WDR70: variants seen among roughly 807,000 people sequenced by gnomAD.
WDR70 encodes the protein WD repeat domain 70.
A neutral mutation model predicts 88.6 loss-of-function variants in WDR70; 53 were observed. The ratio of observed to expected loss-of-function variants is 0.60; its 90% CI spans 0.48 to 0.75. WDR70 has a LOEUF of 0.75. Among genes scored for constraint, WDR70 ranks in the 30% least tolerant of loss-of-function variants. The pLI is 0.00. For synonymous variants in WDR70, 280 were observed against 270.0 expected (o/e 1.04, Z -0.36); for missense variants, 610 against 823.2 (o/e 0.74, Z 3.17).
At chr5:37,448,819 A>G (rs1387559869) in intron 7 of WDR70, among the ~76,000 whole-genome samples, 1 of 151,930 alleles carries the variant, frequency 6.6e-6, no homozygotes, top group Non-Finnish European at 1.5e-5. Flanking sequence ...ACTGTTTCTC[A>G]GTCTTTCATT....
At chr5:37,597,825 A>G (rs1163876566) in intron 9 of WDR70, among the ~76,000 whole-genome samples, 1 of 152,246 alleles carries the variant, frequency 6.6e-6, no homozygotes, top group Non-Finnish European at 1.5e-5. Flanking sequence ...ACCCAGCCAC[A>G]GATATTTGTT....
intron 10 of WDR70, among the ~76,000 whole-genome samples, chr5:37,685,511 G>C (rs1244715686): frequency 6.6e-6 from 1 of 152,130 alleles, no homozygotes. Context: ...CCCTGGAAGA[G>C]GCCAGCTGAC....
chr5:37,642,901 A>T (rs916901180), intron 10 of WDR70, among the ~76,000 whole-genome samples: 3 of 152,118 alleles, frequency 2.0e-5, no homozygotes, highest in African/African-American at 7.2e-5. Context: ...CCCTTGTCAG[A>T]TGGGTAGTTT....
intron 9 of WDR70, among the ~76,000 whole-genome samples, chr5:37,553,850 T>G (rs1742217163): frequency 6.6e-6 from 1 of 152,184 alleles, no homozygotes; most frequent in South Asian, 2.1e-4. Flanking sequence ...ATGCCTCTAT[T>G]TTGTCTTCTG....
intron 9 of WDR70, among the ~76,000 whole-genome samples, chr5:37,557,957 A>ACTCTTTTTAATACTC: frequency 7.2e-6 from 1 of 139,252 alleles, no homozygotes; most frequent in African/African-American, 2.6e-5. Flanking sequence ...TCAAAAGAGT[A>ACTCTTTTTAATACTC]TTATGTATAT....
chr5:37,528,847 G>A (rs758295787), intron 9 of WDR70, among the ~76,000 whole-genome samples: 4 of 147,790 alleles, frequency 2.7e-5, no homozygotes, highest in African/African-American at 7.4e-5. Context: ...CTTTGTGTTC[G>A]TTGCATTTCC....
intron 5 of WDR70, among the ~76,000 whole-genome samples, chr5:37,423,342 A>C (rs2111998896): frequency 6.6e-6 from 1 of 150,706 alleles, no homozygotes; most frequent in South Asian, 2.1e-4. Context: ...GTTCATGGCC[A>C]GTATAATAAA....
intron 5 of WDR70, among the ~76,000 whole-genome samples, chr5:37,409,984 A>G (rs954007490): frequency 6.6e-6 from 1 of 152,124 alleles, no homozygotes; most frequent in African/African-American, 2.4e-5. Context: ...CCTGATGCAT[A>G]AATCTTTCAG....
intron 7 of WDR70, among the ~76,000 whole-genome samples, chr5:37,443,832 C>T (rs1298958767): frequency 6.6e-6 from 1 of 150,948 alleles, no homozygotes; most frequent in East Asian, 2.0e-4. Flanking sequence ...AGCCCAGCAA[C>T]AGAGAGAGAC....
intron 10 of WDR70, among the ~76,000 whole-genome samples, chr5:37,647,372 C>G (rs1172481023): frequency 1.3e-5 from 2 of 152,138 alleles, no homozygotes; most frequent in African/African-American, 4.8e-5. Context: ...TTCCCTGGTG[C>G]CTTACTTAGT....
chr5:37,696,577 C>T (rs532290558), intron 10 of WDR70, among the ~76,000 whole-genome samples: 10 of 152,298 alleles, frequency 6.6e-5, no homozygotes, highest in South Asian at 6.2e-4. Flanking sequence ...CCCTGTCTTT[C>T]GCTATGGAAT....
chr5:37,638,113 G>A (rs181162859), intron 10 of WDR70, among the ~76,000 whole-genome samples: 29 of 152,106 alleles, frequency 1.9e-4, no homozygotes, highest in East Asian at 1.2e-3. Context: ...CAGCAATTTC[G>A]GGATCTACTT....
At chr5:37,731,280 G>C (rs1163107376) in intron 17 of WDR70, among the ~76,000 whole-genome samples, 1 of 152,156 alleles carries the variant, frequency 6.6e-6, no homozygotes, top group East Asian at 1.9e-4. Context: ...GGCAATCGAG[G>C]GGAAGCACTG....
intron 3 of WDR70, among the ~76,000 whole-genome samples, chr5:37,389,292 C>CATCT (rs538858219): frequency 1.4e-5 from 2 of 144,574 alleles, no homozygotes; most frequent in African/African-American, 5.8e-5. Flanking sequence ...AGGGTTTCAC[C>CATCT]TGTCGAGACC....
At chr5:37,559,242 A>T (rs1019464988) in intron 9 of WDR70, among the ~76,000 whole-genome samples, 15 of 152,054 alleles carry the variant, frequency 9.9e-5, no homozygotes, top group African/African-American at 3.4e-4. Context: ...AATTCTGTGT[A>T]TTCTTATGCT....
chr5:37,427,893 G>A (rs930638872), intron 5 of WDR70, among the ~76,000 whole-genome samples: 4 of 151,968 alleles, frequency 2.6e-5, no homozygotes, highest in Non-Finnish European at 4.4e-5. Flanking sequence ...ATACATTTCC[G>A]AGCTTTTCCT....
chr5:37,707,251 A>G (rs1458441458), intron 13 of WDR70, among the ~76,000 whole-genome samples: 2 of 152,182 alleles, frequency 1.3e-5, no homozygotes, highest in African/African-American at 2.4e-5. Context: ...AGCATGGTTA[A>G]TCAGGTTGTT....
intron 10 of WDR70, among the ~76,000 whole-genome samples, chr5:37,697,365 TAAG>T (rs1388646125): frequency 6.6e-6 from 1 of 152,202 alleles, no homozygotes; most frequent in Non-Finnish European, 1.5e-5. Flanking sequence ...AAGAAGTAAA[TAAG>T]AAGAAGTTAT....
intron 8 of WDR70, among the ~76,000 whole-genome samples, chr5:37,485,271 T>C (rs1739823879): frequency 6.6e-6 from 1 of 152,234 alleles, no homozygotes; most frequent in Non-Finnish European, 1.5e-5. Flanking sequence ...TGTTTTCAGC[T>C]TTTGTATTTG....
Sources: gnomAD v4.1 joint callset for allele counts (sites outside exome capture counted in the v4.1 genomes callset) on GRCh38, gnomAD v4.1.1 for gene constraint, MANE v1.5 for transcripts, NCBI Gene and HGNC (gene_info 2026-07-23, HGNC 2026-07-21) for gene names.